MRPL37: variants seen among roughly 807,000 people sequenced by gnomAD.
The protein encoded by MRPL37 is mitochondrial ribosomal protein L37.
In MRPL37, 34 loss-of-function variants were observed where a neutral mutation model predicts 44.1. The observed-to-expected ratio is 0.77, with a 90% CI of 0.59 to 1.03. The LOEUF is 1.03. Ranked by LOEUF, MRPL37 falls within the 50% of genes least tolerant of loss-of-function variation. The pLI is 0.00. For missense variants in MRPL37, 532 were observed against 543.7 expected (o/e 0.98, Z 0.21); for synonymous variants, 212 against 219.5 (o/e 0.97, Z 0.30).
intron 3 of MRPL37, among the ~76,000 whole-genome samples, chr1:54,208,952 C>G (rs958367363): frequency 6.6e-6 from 1 of 152,134 alleles, no homozygotes; most frequent in Non-Finnish European, 1.5e-5. Context: ...CCCCCCACTC[C>G]GCCAAAGAGT....
Position 54,205,356 on chromosome 1 carries a change from C to G in MRPL37, c.592C>G (p.Leu198Val), listed in dbSNP as rs1644114263. Reference protein sequence around the residue: ...CKSQILKHPSLARRICVQNST... With the variant: ...CKSQILKHPSVARRICVQNST... ...ATCTCAGATTCTCAAGCATCCTTCT[C>G]TGGCCAGGAGGATCTGTGTCCAAAA... Residue 198 changes from leucine to valine, a missense_variant, in exon 3 of 7, where the codon CTG (leucine) becomes GTG (valine). Leu to Val is a conservative substitution (Grantham distance 32). Transcript: ENST00000360840. 6.2e-7 allele frequency: 1 copy of G among 1,614,038 alleles called. No individual in the cohort carries two copies. The highest frequency in any genetic ancestry group is 1.3e-5 in the African/African-American group (1 of 74,908).
At chr1:54,208,396 A>C (rs1263322679) in intron 3 of MRPL37, among the ~76,000 whole-genome samples, 3 of 151,892 alleles carry the variant, frequency 2.0e-5, no homozygotes, top group Non-Finnish European at 4.4e-5. Context: ...CAAAAACAAA[A>C]AAATTAGCCG....
At chr1:54,214,385 A>G (rs4927072) in intron 5 of MRPL37, among the ~76,000 whole-genome samples, 22,945 of 152,192 alleles carry the variant, frequency 0.15, 1,835 homozygotes, top group Non-Finnish European at 0.19. Context: ...TCAGATCTTT[A>G]TGTGACCTTG....
downstream of MRPL37, among the ~76,000 whole-genome samples, chr1:54,222,718 G>A (rs548102045): frequency 9.2e-5 from 14 of 152,290 alleles, no homozygotes; most frequent in African/African-American, 2.9e-4. Context: ...TGGCTTTAAA[G>A]ACCCTCTAAA....
chr1:54,200,829 C>T (rs1183522566), intron 1 of MRPL37, among the ~76,000 whole-genome samples: 2 of 152,212 alleles, frequency 1.3e-5, no homozygotes, highest in Admixed American at 1.3e-4. Context: ...GCTTTCTAGG[C>T]CTAGCCCTGG....
chr1:54,211,199 G>A (rs574589917), intron 4 of MRPL37, among the ~76,000 whole-genome samples: 1 of 152,202 alleles, frequency 6.6e-6, no homozygotes, highest in Admixed American at 6.5e-5. Context: ...AGTCTCATCA[G>A]GGTCCTTCCG....
chr1:54,220,305 T>C (rs540152301), downstream of MRPL37, among the ~76,000 whole-genome samples: 2 of 152,124 alleles, frequency 1.3e-5, no homozygotes, highest in Non-Finnish European at 2.9e-5. Flanking sequence ...GATGACCTTG[T>C]AGCTTGAGGA....
intron 1 of MRPL37, among the ~76,000 whole-genome samples, chr1:54,201,982 G>A (rs997285062): frequency 6.6e-6 from 1 of 151,494 alleles, no homozygotes; most frequent in Non-Finnish European, 1.5e-5. Context: ...TCTTTCTGCT[G>A]CACCACAAAA....
At chr1:54,207,727 G>A (rs978026473) in intron 3 of MRPL37, among the ~76,000 whole-genome samples, 3 of 152,174 alleles carry the variant, frequency 2.0e-5, no homozygotes, top group Non-Finnish European at 4.4e-5. Flanking sequence ...CAGATTATAT[G>A]TGAGGAAACA....
At chr1:54,205,440 G>C in intron 3 of MRPL37, 30 bp downstream of exon 3, 1 of 1,585,638 alleles carries the variant, frequency 6.3e-7, no homozygotes, top group Non-Finnish European at 8.6e-7. Flanking sequence ...AGAAAGCCTT[G>C]GTCTGTTTTT....
In MRPL37 at chr1:54,200,297, C is replaced by G; in HGVS notation, c.54C>G (p.Leu18=). Residue 18 remains leucine (L), a synonymous_variant, in exon 1 of 7, where the codon CTC becomes CTG. Coordinates refer to ENST00000360840, the MANE Select transcript of MRPL37 (RefSeq NM_016491.4). The stretch of plus-strand genomic sequence containing the variant: ...GGGCGCTAGCTGGCTCCGGGCAGCT[C>G]GGCCTTGGGGGCTTCGGGGCCCCGA... ...ARRALAGSGQ[L]GLGGFGAPRR... 1 of 1,610,486 alleles carries G rather than the reference C, an allele frequency of 6.2e-7. No homozygotes were observed. The highest frequency in any genetic ancestry group is 8.5e-7 in the Non-Finnish European group (1 of 1,178,646).
downstream of MRPL37, among the ~76,000 whole-genome samples, chr1:54,222,432 A>G (rs1294734404): frequency 2.6e-5 from 4 of 152,252 alleles, no homozygotes; most frequent in Admixed American, 2.0e-4. Flanking sequence ...AGGAGTGTCC[A>G]TGGCCCTTCC....
At chr1:54,217,077 GCAC>G (rs957116422) in intron 6 of MRPL37, among the ~76,000 whole-genome samples, 5 of 152,160 alleles carry the variant, frequency 3.3e-5, no homozygotes, top group Admixed American at 6.5e-5. Context: ...GCAGTAATAT[GCAC>G]CCTGGAGAGA....
chr1:54,206,292 T>G (rs895843351), intron 3 of MRPL37, among the ~76,000 whole-genome samples: 3 of 151,802 alleles, frequency 2.0e-5, no homozygotes, highest in Admixed American at 2.0e-4. Flanking sequence ...TTTTGTATTT[T>G]TAGTAGAGAC....
At position 54,210,064 on chromosome 1, in the gene MRPL37, C is replaced by A; in HGVS notation, c.765C>A (p.Thr255=). 6.2e-7 allele frequency: 1 copy of A among 1,614,146 alleles called. No individual in the cohort carries two copies. The highest frequency in any genetic ancestry group is 8.5e-7 in the Non-Finnish European group (1 of 1,180,006). Residue 255 remains threonine (T), a synonymous_variant, in exon 4 of 7, where the codon ACC becomes ACA. Transcript: ENST00000360840. ...IEATKNHVLE[T]FYPISPIIDL... ...CTACTAAGAATCATGTTCTAGAGACCTTCTACCCCATATCACCCATCATCG... is the reference window on the plus strand; with the variant it reads ...CTACTAAGAATCATGTTCTAGAGACATTCTACCCCATATCACCCATCATCG...
At chr1:54,205,232 A>G in intron 2 of MRPL37, 31 bp downstream of exon 2, 1 of 1,608,344 alleles carries the variant, frequency 6.2e-7, no homozygotes, top group Non-Finnish European at 8.5e-7. Flanking sequence ...AAGATTTCCT[A>G]CTAATGGATC....
intron 5 of MRPL37, 37 bp from the exon 6 acceptor site, chr1:54,216,104 C>G (rs1441529696): frequency 4.3e-6 from 7 of 1,611,042 alleles, no homozygotes; most frequent in Non-Finnish European, 5.9e-6. Context: ...CACTCCACAG[C>G]TTCTGATTTG....
chr1:54,209,289 A>G lies in MRPL37; in HGVS notation c.647-657A>G, dbSNP rs35323639. On this transcript the variant is annotated intron_variant, in intron 3 of 6. Coordinates refer to ENST00000360840, the MANE Select transcript of MRPL37 (RefSeq NM_016491.4). ...GGTTTACTAGGAAGGGAACACAGGA[A>G]GAAGAGTGCATTGGTTCATCCCCTC... 4.2e-3 allele frequency among the ~76,000 whole-genome samples: 633 copies of G among 152,212 alleles called. 5 individuals are homozygous for G. The highest frequency in any genetic ancestry group is 7.5e-3 in the Non-Finnish European group (511 of 68,002).
intron 1 of MRPL37, 128 bp downstream of exon 1, chr1:54,200,717 G>A: frequency 2.9e-6 from 3 of 1,038,398 alleles, no homozygotes; most frequent in Non-Finnish European, 4.1e-6. Flanking sequence ...AAATGGGGCC[G>A]TAGTGATTCC....
Sources: gnomAD v4.1 joint callset for allele counts (sites outside exome capture counted in the v4.1 genomes callset) on GRCh38, gnomAD v4.1.1 for gene constraint, MANE v1.5 for transcripts, NCBI Gene and HGNC (gene_info 2026-07-23, HGNC 2026-07-21) for gene names.